The following LRRC53 variants were observed in gnomAD, a reference collection of about 807,000 sequenced individuals.
LRRC53 encodes leucine rich repeat containing 53.
A neutral mutation model predicts 13.6 loss-of-function variants in LRRC53; 25 were observed. The observed-to-expected ratio is 1.83, with a 90% CI of 1.34 to 2.56. LRRC53 has a LOEUF of 2.56. LRRC53 is among the 30% of genes most tolerant of loss of function. The probability of loss-of-function intolerance (pLI) is 0.00; values close to 1 mark genes in which losing one functional copy is unlikely to be tolerated. For synonymous variants in LRRC53, 204 were observed against 109.8 expected (o/e 1.86, Z -5.37); for missense variants, 527 against 275.8 (o/e 1.91, Z -6.45).
Position 74,476,600 on chromosome 1 carries a change from TTC to T in LRRC53, c.905-792_905-791del, listed in dbSNP as rs1255405011. Among the ~76,000 whole-genome samples, 6 of 152,108 alleles carry T rather than the reference TTC, an allele frequency of 3.9e-5. No individual in the cohort carries two copies. In the East Asian group the frequency reaches 1.2e-3, roughly 29 times the overall value. On this transcript the variant is annotated intron_variant, in intron 3 of 4. Transcript: ENST00000294635. ...AATATTCTTAAATCAACAGAAGGGA[TTC>T]TGTTTATGAATTCTGATAATGAAAT...
At chr1:74,495,345 A>G (rs1400825027) in intron 1 of LRRC53, among the ~76,000 whole-genome samples, 1 of 152,194 alleles carries the variant, frequency 6.6e-6, no homozygotes, top group Non-Finnish European at 1.5e-5. Flanking sequence ...GTCAAAATAG[A>G]AATTATGTAT....
chr1:74,527,563 G>C, the LRRC53 span, among the ~76,000 whole-genome samples: 1 of 152,284 alleles, frequency 6.6e-6, no homozygotes, highest in Admixed American at 6.5e-5. Flanking sequence ...GGTGGATAGG[G>C]AGGGGAGACA....
chr1:74,470,343 A>C lies in LRRC53; in HGVS notation c.3279T>G (p.Asp1093Glu), dbSNP rs1197121487. ...EKNMLDESKT[D>E]SSMLTQISQM... ...GTGAGATCTGAGTTAACATACTAGA[A>C]TCTGTCTTGCTTTCATCAAGCATAT... Residue 1093 changes from aspartate (D) to glutamate (E), a missense_variant, in exon 5 of 5, where the codon GAT (aspartate) becomes GAG (glutamate). By Grantham distance (45) the Asp-to-Glu change is conservative. Transcript: ENST00000294635. 2.5e-6 allele frequency: 1 copy of C among 400,562 alleles called. No individual in the cohort carries two copies. Among genetic ancestry groups the C allele is most frequent in the Non-Finnish European group, 4.4e-6 (1 of 226,142 alleles). 24.8% of individuals were successfully genotyped at this position (400,562 alleles called of 1,614,324 possible).
At chr1:74,489,491 G>C (rs1668939717) in intron 1 of LRRC53, among the ~76,000 whole-genome samples, 1 of 152,180 alleles carries the variant, frequency 6.6e-6, no homozygotes, top group Admixed American at 6.6e-5. Flanking sequence ...AATGGACACA[G>C]TCATGCTCAG....
At chr1:74,491,647 T>C (rs1025054051) in intron 1 of LRRC53, among the ~76,000 whole-genome samples, 3 of 152,246 alleles carry the variant, frequency 2.0e-5, no homozygotes, top group African/African-American at 7.2e-5. Context: ...TTTCGTCTTA[T>C]AAAATTGATG....
upstream of LRRC53, among the ~76,000 whole-genome samples, chr1:74,513,680 C>T (rs115510123): frequency 8.8e-3 from 1,344 of 152,220 alleles, 19 homozygotes; most frequent in African/African-American, 0.031. Flanking sequence ...TTCAGAGTTT[C>T]ATGTTTAGGG....
the LRRC53 span, among the ~76,000 whole-genome samples, chr1:74,534,908 T>A: frequency 1.3e-5 from 2 of 152,188 alleles, no homozygotes; most frequent in Non-Finnish European, 2.9e-5. Context: ...CTAAATGCAA[T>A]GGTTCCTTCA....
At position 74,470,555 on chromosome 1, in the gene LRRC53, T is replaced by A. The variant is rs534292573; in HGVS notation, c.3067A>T (p.Thr1023Ser). Reference protein sequence around the residue: ...QSKNNLSFMKTNSIPYQNRIE... With the variant: ...QSKNNLSFMKSNSIPYQNRIE... ...CTATTTTGGTATGGAATTGAATTTG[T>A]CTTCATAAATGATAGGTTGTTCTTG... is the stretch of plus-strand genomic sequence containing the variant. Residue 1023 changes from threonine (T) to serine (S), a missense_variant, in exon 5 of 5, where the codon ACA becomes TCA. Coordinates refer to ENST00000294635, the MANE Select transcript of LRRC53 (RefSeq NM_001382280.1). 12 of 400,750 alleles carry A rather than the reference T, an allele frequency of 3.0e-5. No individual in the cohort carries two copies. In the Middle Eastern group the frequency reaches 1.2e-3, roughly 41 times the overall value. The allele number at this position is 400,750 out of a possible 1,614,324, so 24.8% of individuals were successfully genotyped here. A position where few individuals can be genotyped will look rare whatever the true frequency, so the allele number is the denominator to read the frequency against.
At chr1:74,526,594 T>C in the LRRC53 span, among the ~76,000 whole-genome samples, 62,402 of 152,120 alleles carry the variant, frequency 0.41, 15,126 homozygotes, top group Non-Finnish European at 0.56. Flanking sequence ...GAGAATGCAA[T>C]TTCTACATGT....
chr1:74,513,482 G>T (rs1646297434), upstream of LRRC53, among the ~76,000 whole-genome samples: 1 of 152,198 alleles, frequency 6.6e-6, no homozygotes, highest in Admixed American at 6.5e-5. Context: ...CATCTGCAGA[G>T]AACTTTGCAT....
chr1:74,504,566 AG>A (rs747344054), intron 1 of LRRC53, among the ~76,000 whole-genome samples: 47 of 152,300 alleles, frequency 3.1e-4, no homozygotes, highest in Non-Finnish European at 3.1e-4. Flanking sequence ...TCAAAAGAGG[AG>A]GTGATGAAAA....
At position 74,471,300 on chromosome 1, in the gene LRRC53, T is replaced by C. The variant is rs77657462; in HGVS notation, c.2322A>G (p.Ser774=). Residue 774 remains serine, a synonymous_variant, in exon 5 of 5, where the codon TCA becomes TCG. Transcript: ENST00000294635. ...TVCSADFLQQ[S]ESSNYVRLTS... is the part of the protein sequence containing the mutation. ...TGAGTCTAACATAGTTGCTACTCTC[T>C]GACTGTTGAAGAAAATCTGCAGAAC... 2,355 of 400,644 alleles carry C rather than the reference T, an allele frequency of 5.9e-3. 31 individuals are homozygous for C. The highest frequency in any genetic ancestry group is 0.034 in the African/African-American group (1,673 of 48,794). 24.8% of individuals were successfully genotyped at this position (400,644 alleles called of 1,614,324 possible). A position where few individuals can be genotyped will look rare whatever the true frequency, so the allele number is the denominator to read the frequency against.
Position 74,469,618 on chromosome 1 carries a change from G to A in LRRC53, c.*260C>T, listed in dbSNP as rs1302041792. ...TGTTTGCTTGCTTTTGCAAGACTTG[G>A]CAAAACTTTTCTTACTTGTTTTTTC... On this transcript the variant is annotated 3_prime_UTR_variant, in exon 5 of 5. Coordinates refer to ENST00000294635, the MANE Select transcript of LRRC53 (RefSeq NM_001382280.1). The A allele has an allele frequency of 6.4e-6, 2 of 313,336 alleles. No individual in the cohort carries two copies. Among genetic ancestry groups the A allele is most frequent in the Non-Finnish European group, 1.2e-5 (2 of 173,604 alleles). The allele number at this position is 313,336 out of a possible 1,614,324, so 19.4% of individuals were successfully genotyped here. A position where few individuals can be genotyped will look rare whatever the true frequency, so the allele number is the denominator to read the frequency against.
chr1:74,480,765 G>C lies in LRRC53; in HGVS notation c.292C>G (p.Leu98Val). 1 of 717,526 alleles carries C rather than the reference G, an allele frequency of 1.4e-6. No individual in the cohort carries two copies. Among genetic ancestry groups the C allele is most frequent in the Non-Finnish European group, 2.6e-6 (1 of 385,110 alleles). The allele number at this position is 717,526 out of a possible 1,614,324, so 44.4% of individuals were successfully genotyped here. The change falls in exon 3 of 5, where the codon CTC (leucine) becomes GTC (valine). Residue 98 changes from leucine (L) to valine (V), a missense_variant. Leu to Val is a conservative substitution (Grantham distance 32). Coordinates refer to ENST00000294635, the MANE Select transcript of LRRC53 (RefSeq NM_001382280.1). ...AGCTTGCTGAAGGTGTGATCAGTGA[G>C]CGAAGAGCTGGATATTTGGTTGTGC... is the stretch of plus-strand genomic sequence containing the variant. The part of the protein sequence containing the change: ...LEHNQISSSS[L>V]TDHTFSKLHS...
chr1:74,489,368 A>G, intron 1 of LRRC53: 3 of 963,170 alleles, frequency 3.1e-6, no homozygotes, highest in South Asian at 3.9e-5. Flanking sequence ...AACTCCATCC[A>G]TATTTGCCCT....
intron 1 of LRRC53, among the ~76,000 whole-genome samples, chr1:74,504,634 C>A (rs1028212233): frequency 8.6e-5 from 13 of 151,670 alleles, no homozygotes; most frequent in African/African-American, 3.2e-4. Context: ...AAAATTGACA[C>A]CTTTAAAAAA....
chr1:74,530,812 C>T, the LRRC53 span, among the ~76,000 whole-genome samples: 115 of 151,402 alleles, frequency 7.6e-4, no homozygotes, highest in African/African-American at 2.7e-3. Flanking sequence ...TTTTAGCAGT[C>T]AAGGCATGCA....
the LRRC53 span, among the ~76,000 whole-genome samples, chr1:74,522,147 G>A: frequency 6.6e-6 from 1 of 152,102 alleles, no homozygotes; most frequent in African/African-American, 2.4e-5. Flanking sequence ...AGGCACTATT[G>A]GAAACTTAAT....
At chr1:74,515,763 A>G (rs911634612), upstream of LRRC53, among the ~76,000 whole-genome samples, 4 of 152,226 alleles carry the variant, frequency 2.6e-5, no homozygotes, top group African/African-American at 9.6e-5. Context: ...AGGTCAAAAA[A>G]TAAGTATGAT....
Sources: gnomAD v4.1 joint callset for allele counts (sites outside exome capture counted in the v4.1 genomes callset) on GRCh38, gnomAD v4.1.1 for gene constraint, MANE v1.5 for transcripts, NCBI Gene and HGNC (gene_info 2026-07-23, HGNC 2026-07-21) for gene names.